CSMD1: variants seen among roughly 807,000 people sequenced by gnomAD.
CSMD1 encodes the protein CUB and sushi domain-containing protein 1.
A neutral mutation model predicts 417.5 loss-of-function variants in CSMD1; 213 were observed. The observed-to-expected ratio is 0.51, with a 90% confidence interval of 0.46 to 0.57. The LOEUF is 0.57. Ranked by LOEUF, CSMD1 falls within the 20% of genes least tolerant of loss-of-function variation. The pLI is 0.00. For synonymous variants in CSMD1, 2,862 were observed against 1,736.8 expected, an observed-to-expected ratio of 1.65 and a Z score of -16.11; for missense variants, 6,923 against 4,529.7, an observed-to-expected ratio of 1.53 and a Z score of -15.17.
chr8:3,743,829 T>C (rs1335446583), intron 6 of CSMD1, among the ~76,000 whole-genome samples: 1 of 152,186 alleles, frequency 6.6e-6, no homozygotes, highest in Non-Finnish European at 1.5e-5. Context: ...CACAAATGCA[T>C]ATCTGCTTCC....
intron 2 of CSMD1, among the ~76,000 whole-genome samples, chr8:4,511,610 C>A (rs937506224): frequency 9.9e-5 from 15 of 152,072 alleles, no homozygotes; most frequent in African/African-American, 3.6e-4. Context: ...ATTGGAGACA[C>A]ATACAGGGAA....
chr8:4,513,376 T>G (rs940942576), intron 2 of CSMD1, among the ~76,000 whole-genome samples: 5 of 152,168 alleles, frequency 3.3e-5, no homozygotes, highest in African/African-American at 1.2e-4. Flanking sequence ...CGATGCTAAT[T>G]TAAAGAGAAA....
At chr8:4,893,180 A>G (rs1003758655) in intron 1 of CSMD1, among the ~76,000 whole-genome samples, 2 of 152,088 alleles carry the variant, frequency 1.3e-5, no homozygotes, top group South Asian at 2.1e-4. Context: ...TGTGATTTTC[A>G]TCAGCTTTAT....
chr8:4,404,209 G>A (rs1804853459), intron 3 of CSMD1, among the ~76,000 whole-genome samples: 1 of 152,038 alleles, frequency 6.6e-6, no homozygotes, highest in Middle Eastern at 3.2e-3. Flanking sequence ...CAATCCGTAT[G>A]CCACTTCCCT....
At position 4,136,947 on chromosome 8, in the gene CSMD1, A is replaced by G. The variant is rs180688379; in HGVS notation, c.416-104848T>C. Among the ~76,000 whole-genome samples, 110 of 152,358 alleles carry G rather than the reference A, an allele frequency of 7.2e-4. 1 individual carries two copies. In the East Asian group the frequency reaches 0.017, roughly 24 times the overall value. On this transcript the variant is annotated intron_variant, in intron 3 of 69. Coordinates refer to ENST00000635120, the MANE Select transcript of CSMD1 (RefSeq NM_033225.6). ...CCAAGTACTAGATTAAAATATCATC[A>G]AAACCAATATTCAGCCTATATCAAT... is the stretch of plus-strand genomic sequence containing the variant.
At chr8:4,069,066 C>T (rs974712722) in intron 3 of CSMD1, among the ~76,000 whole-genome samples, 2 of 152,132 alleles carry the variant, frequency 1.3e-5, no homozygotes, top group Non-Finnish European at 2.9e-5. Flanking sequence ...TTTACTCCTT[C>T]TTAAAACAAT....
At chr8:3,417,832 T>A (rs968832576) in intron 12 of CSMD1, among the ~76,000 whole-genome samples, 1 of 152,164 alleles carries the variant, frequency 6.6e-6, no homozygotes, top group Non-Finnish European at 1.5e-5. Context: ...CAGACCCTGT[T>A]TTTTGGAGAC....
At chr8:4,461,565 G>T (rs540279085) in intron 2 of CSMD1, among the ~76,000 whole-genome samples, 2 of 147,002 alleles carry the variant, frequency 1.4e-5, no homozygotes, top group Admixed American at 6.8e-5. Context: ...TGGGGGTGGG[G>T]TGTTGGGGGA....
At chr8:3,498,789 G>C (rs189053354) in intron 10 of CSMD1, among the ~76,000 whole-genome samples, 2 of 151,864 alleles carry the variant, frequency 1.3e-5, no homozygotes, top group Non-Finnish European at 2.9e-5. Context: ...TGAAGCTCTT[G>C]ATTTTATTTT....
chr8:3,022,210 C>T (rs1312503514), intron 51 of CSMD1, among the ~76,000 whole-genome samples: 1 of 151,304 alleles, frequency 6.6e-6, no homozygotes, highest in Non-Finnish European at 1.5e-5. Flanking sequence ...CACCCGCAGC[C>T]CCACAGCATC....
In CSMD1 at chr8:4,529,870, A is replaced by AT. The variant is rs1239330424; in HGVS notation, c.302+107471dup. On this transcript the variant is annotated intron_variant, in intron 2 of 69. Coordinates refer to ENST00000635120, the MANE Select transcript of CSMD1 (RefSeq NM_033225.6). ...TCAGGTTGCTGCCCATGCTGCTGCC[A>AT]TTGTTTTTTTTTTTTAAATTTATTT... is the stretch of plus-strand genomic sequence containing the variant. Among the ~76,000 whole-genome samples, 24 of 128,342 alleles carry AT rather than the reference A, an allele frequency of 1.9e-4. No homozygotes were observed. The East Asian group carries it at 4.7e-3, about 25-fold the overall frequency. 84.2% of individuals were successfully genotyped at this position (128,342 alleles called of 152,430 possible). A position where few individuals can be genotyped will look rare whatever the true frequency, so the allele number is the denominator to read the frequency against.
At chr8:4,212,699 C>T (rs1414135237) in intron 3 of CSMD1, among the ~76,000 whole-genome samples, 2 of 148,188 alleles carry the variant, frequency 1.3e-5, no homozygotes. Context: ...TTATATGTAA[C>T]CACATACATG....
intron 3 of CSMD1, among the ~76,000 whole-genome samples, chr8:4,047,034 G>C (rs1250937028): frequency 6.6e-6 from 1 of 152,132 alleles, no homozygotes; most frequent in African/African-American, 2.4e-5. Flanking sequence ...GACATAGAGG[G>C]AACACCTGGA....
At chr8:4,128,721 C>G (rs199986469) in intron 3 of CSMD1, among the ~76,000 whole-genome samples, 23 of 152,232 alleles carry the variant, frequency 1.5e-4, no homozygotes, top group East Asian at 1.4e-3. Context: ...CTCATCCTTG[C>G]TGGATACTTA....
At position 4,435,874 on chromosome 8, in the gene CSMD1, C is replaced by G. The variant is rs183298787; in HGVS notation, c.303-15809G>C. Among the ~76,000 whole-genome samples, 4 of 152,276 alleles carry G rather than the reference C, an allele frequency of 2.6e-5. No individual in the cohort carries two copies. In the East Asian group the frequency reaches 7.7e-4, roughly 29 times the overall value. On this transcript the variant is annotated intron_variant, in intron 2 of 69. Transcript: ENST00000635120. The stretch of plus-strand genomic sequence containing the variant: ...CCTTCCAAGTATTAGGACTGTGTGA[C>G]CCTGAGAGTGGAGTGTGTGTCAAAT...
chr8:4,406,475 G>C (rs1028752426), intron 3 of CSMD1, among the ~76,000 whole-genome samples: 1 of 152,024 alleles, frequency 6.6e-6, no homozygotes, highest in African/African-American at 2.4e-5. Context: ...TCATCCTCTG[G>C]GCATTAATTA....
chr8:4,758,396 G>C (rs928930013), intron 1 of CSMD1, among the ~76,000 whole-genome samples: 1 of 152,158 alleles, frequency 6.6e-6, no homozygotes, highest in African/African-American at 2.4e-5. Context: ...CTGGTAGAAT[G>C]AGCAAGGCCA....
intron 7 of CSMD1, among the ~76,000 whole-genome samples, chr8:3,630,789 G>C (rs569040934): frequency 5.1e-4 from 77 of 152,276 alleles, no homozygotes; most frequent in East Asian, 2.5e-3. Flanking sequence ...AGCAATAGAA[G>C]AACACATCAC....
chr8:3,710,627 C>A (rs180883938), intron 6 of CSMD1, among the ~76,000 whole-genome samples: 2 of 152,258 alleles, frequency 1.3e-5, no homozygotes, highest in Non-Finnish European at 1.5e-5. Context: ...TTCTGACACA[C>A]CTGGAGACCA....
Sources: allele counts gnomAD v4.1 joint callset (sites outside exome capture counted in the v4.1 genomes callset), GRCh38; gene constraint gnomAD v4.1.1; transcripts MANE v1.5; gene names NCBI Gene and HGNC (gene_info 2026-07-23, HGNC 2026-07-21).